PTCH1: variants seen among roughly 807,000 people sequenced by gnomAD.
PTCH1 encodes protein patched homolog 1.
PTCH1 carries 14 observed loss-of-function variants against 144.6 expected under a neutral mutation model. The observed-to-expected ratio is 0.10, with a 90% confidence interval of 0.06 to 0.15. The LOEUF is 0.15. Ranked by LOEUF, PTCH1 falls within the 10% of genes least tolerant of loss-of-function variation. PTCH1 has a pLI of 1.00. For missense variants in PTCH1, 1,623 were observed against 1,948.3 expected (o/e 0.83, Z 3.14); for synonymous variants, 833 against 793.6 (o/e 1.05, Z -0.83).
In PTCH1 at chr9:95,469,011, G is replaced by A. The variant is rs1564033840; in HGVS notation, c.1990C>T (p.Leu664Phe). ...GTGTGGGGGTCGTACTCCGTGCGGAGCTGGACAGTGGACTGCATGGTAATC... is the reference window on the plus strand; with the variant it reads ...GTGTGGGGGTCGTACTCCGTGCGGAACTGGACAGTGGACTGCATGGTAATC... The part of the protein sequence containing the change: ...TQITMQSTVQ[L>F]RTEYDPHTHV... The change falls in exon 14 of 24, where the codon CTC becomes TTC. Residue 664 changes from leucine to phenylalanine, a missense_variant. This residue lies in a region of PTCH1 where 179 missense variants were observed against 165.7 expected (regional missense o/e 1.08). Coordinates refer to ENST00000331920, the MANE Select transcript of PTCH1 (RefSeq NM_000264.5). 1 of 1,614,112 alleles carries A rather than the reference G, an allele frequency of 6.2e-7. No homozygotes were observed. Among genetic ancestry groups the A allele is most frequent in the Non-Finnish European group, 8.5e-7 (1 of 1,180,052 alleles).
At chr9:95,462,123 T>G (rs1350914097) in intron 15 of PTCH1, 125 bp from the exon 16 acceptor site, 2 of 1,097,102 alleles carry the variant, frequency 1.8e-6, no homozygotes, top group African/African-American at 3.1e-5. Flanking sequence ...AAACACACCC[T>G]CTGTGTCCCA....
chr9:95,476,245 A>G lies in PTCH1; in HGVS notation c.1603-86T>C. 6.5e-7 allele frequency: 1 copy of G among 1,535,994 alleles called. No individual in the cohort carries two copies. Among genetic ancestry groups the G allele is most frequent in the South Asian group, 1.2e-5 (1 of 84,498 alleles). On this transcript the variant is annotated intron_variant, in intron 11 of 23. Transcript: ENST00000331920. The surrounding 1 kb of genome is among the most constrained non-coding windows in gnomAD (Gnocchi z 4.6). ...ACTGTGTGAGCAGATACGTGGCAGA[A>G]TAACACAACTGTTATTACAGCTTAT...
Position 95,485,784 on chromosome 9 carries a change from G to C in PTCH1, c.485C>G (p.Pro162Arg), listed in dbSNP as rs770046324. The C allele has an allele frequency of 7.4e-6, 12 of 1,614,184 alleles. No homozygotes were observed. Among genetic ancestry groups the C allele is most frequent in the Non-Finnish European group, 1.0e-5 (12 of 1,180,024 alleles). ...MFNPQLMIQT[P>R]KEEGANVLTT... The stretch of plus-strand genomic sequence containing the variant: ...CAGGACATTAGCACCTTCTTCTTTA[G>C]GGGTCTGTATCATGAGTTGAGGATT... The change falls in exon 3 of 24, where the codon CCT becomes CGT. Residue 162 changes from proline (P) to arginine (R), a missense_variant. Physicochemically the swap from Pro to Arg is moderately radical, Grantham distance 103. Around this residue, in one of 7 missense-constraint regions of PTCH1, gnomAD observed 245 missense variants for 240.6 expected, o/e 1.02. Transcript: ENST00000331920.
intron 2 of PTCH1, among the ~76,000 whole-genome samples, chr9:95,505,936 T>C (rs1843562421): frequency 7.0e-6 from 1 of 143,262 alleles, no homozygotes; most frequent in Non-Finnish European, 1.5e-5. Flanking sequence ...GCGCGCACAC[T>C]CCAGCCAGCC....
intron 19 of PTCH1, among the ~76,000 whole-genome samples, chr9:95,453,936 C>T (rs958865496): frequency 6.6e-6 from 1 of 152,220 alleles, no homozygotes; most frequent in Non-Finnish European, 1.5e-5. Context: ...AATGATCTCA[C>T]ACCACTCACA....
rs2118281892 is a variant in PTCH1, at chr9:95,476,795, G to A, written c.1566C>T (p.Phe522=). The A allele has an allele frequency of 6.2e-7, 1 of 1,614,076 alleles. No homozygotes were observed. The highest frequency in any genetic ancestry group is 1.3e-5 in the African/African-American group (1 of 75,034). The change falls in exon 11 of 24, where the codon TTC becomes TTT. Residue 522 remains phenylalanine (F), a synonymous_variant. Coordinates refer to ENST00000331920, the MANE Select transcript of PTCH1 (RefSeq NM_000264.5). This position sits in a 1 kb window ranked among gnomAD's most constrained non-coding sequence, Gnocchi z 4.6. Reference sequence around the variant, plus strand: ...TTCTTTTATTCTGTCCTGTTTCACTGAAGGCGTGGGCCAGAAGAAAAACAT... The same window carrying A: ...TTCTTTTATTCTGTCCTGTTTCACTAAAGGCGTGGGCCAGAAGAAAAACAT... ...VDDVFLLAHA[F]SETGQNKRIP...
upstream of PTCH1, among the ~76,000 whole-genome samples, chr9:95,511,324 C>T (rs377299112): frequency 8.5e-5 from 13 of 152,252 alleles, no homozygotes; most frequent in East Asian, 1.4e-3. Flanking sequence ...CCTCAATCTC[C>T]CCTCCCCCAC....
intron 2 of PTCH1, among the ~76,000 whole-genome samples, chr9:95,493,333 C>G (rs1587655295): frequency 6.6e-6 from 1 of 152,210 alleles, no homozygotes; most frequent in Admixed American, 6.5e-5. Flanking sequence ...TCTGAGGGAC[C>G]AACCGAAGTT....
At position 95,458,971 on chromosome 9, in the gene PTCH1, T is replaced by C. The variant is rs913243878; in HGVS notation, c.2887+629A>G. On this transcript the variant is annotated intron_variant, in intron 17 of 23. Transcript: ENST00000331920. The surrounding 1 kb of genome is among the most constrained non-coding windows in gnomAD (Gnocchi z 4.7). ...GCACTACTCGCTGAGTCTCCAGCCATGTTTGCAAGGGGACCCGTCTTCTTT... is the reference window on the plus strand; with the variant it reads ...GCACTACTCGCTGAGTCTCCAGCCACGTTTGCAAGGGGACCCGTCTTCTTT... Among the ~76,000 whole-genome samples, 2 of 152,194 alleles carry C rather than the reference T, an allele frequency of 1.3e-5. No homozygotes were observed. The highest frequency in any genetic ancestry group is 4.8e-5 in the African/African-American group (2 of 41,438).
Position 95,453,463 on chromosome 9 carries a change from C to T in PTCH1, c.3449+15G>A, listed in dbSNP as rs190483719. On this transcript the variant is annotated intron_variant, in intron 20 of 23. Coordinates refer to ENST00000331920, the MANE Select transcript of PTCH1 (RefSeq NM_000264.5). ...ATGATTTCTAAAACATGTCTCCTTG[C>T]ACACGCCTGCTTACCTGACAATGAA... 9.5e-5 allele frequency: 154 copies of T among 1,613,848 alleles called. 1 individual carries two copies. In the Admixed American group the frequency reaches 1.7e-3, roughly 18 times the overall value.
At chr9:95,488,016 T>C (rs905584427) in intron 2 of PTCH1, among the ~76,000 whole-genome samples, 1 of 152,314 alleles carries the variant, frequency 6.6e-6, no homozygotes, top group African/African-American at 2.4e-5. Flanking sequence ...CGAAGTGACC[T>C]GAGAGTGCAG....
At chr9:95,491,027 TA>T (rs1267946775) in intron 2 of PTCH1, among the ~76,000 whole-genome samples, 1 of 152,164 alleles carries the variant, frequency 6.6e-6, no homozygotes, top group African/African-American at 2.4e-5. Context: ...TAATAAACTA[TA>T]AAAATAATCA....
intron 2 of PTCH1, among the ~76,000 whole-genome samples, chr9:95,501,984 T>C (rs1210560652): frequency 6.6e-6 from 1 of 152,054 alleles, no homozygotes; most frequent in Non-Finnish European, 1.5e-5. Context: ...CAGGGATGGC[T>C]AGTAGGAAGA....
At chr9:95,453,166 T>C (rs1239816953) in intron 20 of PTCH1, 4 of 382,202 alleles carry the variant, frequency 1.0e-5, no homozygotes, top group Non-Finnish European at 1.5e-5. Flanking sequence ...AGAATCTCGC[T>C]CTGTCACCCA....
upstream of PTCH1, among the ~76,000 whole-genome samples, chr9:95,511,176 CGGGGCGGTCCACGCGGCTCCCGCAG>C (rs1479306703): frequency 6.7e-6 from 1 of 150,176 alleles, no homozygotes; most frequent in Non-Finnish European, 1.5e-5. Context: ...CGCCGGCCAC[CGGGGCGGTCCACGCGGCTCCCGCAG>C]GGGGCCCGTC....
Position 95,477,752 on chromosome 9 carries a change from T to G in PTCH1, c.1348-50A>C, listed in dbSNP as rs375856076. The G allele has an allele frequency of 5.2e-4, 840 of 1,604,290 alleles. 2 individuals are homozygous for G. In the African/African-American group the frequency reaches 9.8e-3, roughly 19 times the overall value. On this transcript the variant is annotated intron_variant, in intron 9 of 23. Coordinates refer to ENST00000331920, the MANE Select transcript of PTCH1 (RefSeq NM_000264.5). ...AGAACAAAAGCCGAACATTAGAATG[T>G]GTTGTGATTCTAATGTTTCCCTCCA... is the stretch of plus-strand genomic sequence containing the variant.
Position 95,458,030 on chromosome 9 carries a change from A to C in PTCH1, c.3151T>G (p.Trp1051Gly), listed in dbSNP as rs1564019039. Reference protein sequence around the residue: ...LVCAVFLLNPWTAGIIVMVLA... With the variant: ...LVCAVFLLNPGTAGIIVMVLA... ...ACACTCACAATGATCCCGGCCGTCC[A>C]GGGGTTCAGAAGGAAGACAGCGCAC... The change falls in exon 18 of 24, where the codon TGG becomes GGG. Residue 1051 changes from tryptophan (W) to glycine (G), a missense_variant. Physicochemically the swap from Trp to Gly is radical, Grantham distance 184. This residue lies in a region of PTCH1 where 504 missense variants were observed against 679.3 expected (regional missense o/e 0.74). Transcript: ENST00000331920. The surrounding 1 kb of genome is among the most constrained non-coding windows in gnomAD (Gnocchi z 4.7). The C allele has an allele frequency of 6.2e-7, 1 of 1,614,156 alleles. No individual in the cohort carries two copies. Among genetic ancestry groups the C allele is most frequent in the Non-Finnish European group, 8.5e-7 (1 of 1,180,032 alleles).
At chr9:95,455,970 G>A (rs1029125311) in intron 19 of PTCH1, among the ~76,000 whole-genome samples, 8 of 152,290 alleles carry the variant, frequency 5.3e-5, no homozygotes, top group African/African-American at 1.7e-4. Flanking sequence ...GTCAGGAATC[G>A]TGGGGGTATA....
At chr9:95,453,769 G>T (rs1838678566) in intron 19 of PTCH1, 149 bp from the exon 20 acceptor site, 2 of 1,053,208 alleles carry the variant, frequency 1.9e-6, no homozygotes, top group South Asian at 1.4e-5. Context: ...TCAACTAGCA[G>T]CACCTAGACT....
Sources: gnomAD v4.1 joint callset for allele counts (sites outside exome capture counted in the v4.1 genomes callset) on GRCh38, gnomAD v4.1.1 for gene constraint, gnomAD v4.1.1 regional missense constraint, Gnocchi (gnomAD v3.1) non-coding constraint, MANE v1.5 for transcripts, NCBI Gene and HGNC (gene_info 2026-07-23, HGNC 2026-07-21) for gene names.